CEP63: variants seen among roughly 807,000 people sequenced by gnomAD.
CEP63 encodes centrosomal protein 63, also known as centrosomal protein of 63 kDa.
Under a neutral mutation model 89.1 loss-of-function variants are expected in CEP63, and 84 were observed. The observed-to-expected ratio is 0.94, with a 90% CI of 0.79 to 1.13. The LOEUF (loss-of-function observed/expected upper bound fraction) is 1.13. Ranked by LOEUF, CEP63 falls within the 50% of genes most tolerant of loss-of-function variation. The probability of loss-of-function intolerance (pLI) is 0.00; values close to 1 mark genes in which losing one functional copy is unlikely to be tolerated. For missense variants in CEP63, 838 were observed against 813.3 expected (o/e 1.03, Z -0.37); for synonymous variants, 267 against 272.5 (o/e 0.98, Z 0.20).
chr3:134,748,895 T>G, the CEP63 span, among the ~76,000 whole-genome samples: 1 of 151,688 alleles, frequency 6.6e-6, no homozygotes, highest in African/African-American at 2.4e-5. Flanking sequence ...GGCCAGTGGG[T>G]TCTGTGGGCA....
intron 11 of CEP63, among the ~76,000 whole-genome samples, chr3:134,570,187 C>T (rs1242487322): frequency 1.3e-5 from 2 of 152,212 alleles, no homozygotes; most frequent in East Asian, 3.9e-4. Context: ...TCCCCATTGT[C>T]TTGGGGATTA....
chr3:134,743,087 T>C, the CEP63 span, among the ~76,000 whole-genome samples: 2 of 151,932 alleles, frequency 1.3e-5, no homozygotes, highest in Non-Finnish European at 1.5e-5. Context: ...CTTGTGGGGG[T>C]CCCTCAGCTG....
At chr3:134,599,798 C>G in the CEP63 span, among the ~76,000 whole-genome samples, 3 of 152,214 alleles carry the variant, frequency 2.0e-5, no homozygotes, top group Non-Finnish European at 2.9e-5. Flanking sequence ...CTCACCGTCG[C>G]ATTCAACTGG....
the CEP63 span, chr3:134,604,423 A>G: frequency 1.2e-6 from 2 of 1,613,852 alleles, no homozygotes; most frequent in Non-Finnish European, 1.7e-6. Context: ...GAGCATGAAC[A>G]TGAACAGCGT....
chr3:134,492,553 T>C (rs1179954097), intron 1 of CEP63, among the ~76,000 whole-genome samples: 59 of 151,676 alleles, frequency 3.9e-4, no homozygotes, highest in Non-Finnish European at 2.9e-5. Context: ...ACATAGGATA[T>C]TACTGGTCCA....
chr3:134,616,045 A>C, the CEP63 span, among the ~76,000 whole-genome samples: 1 of 152,234 alleles, frequency 6.6e-6, no homozygotes, highest in South Asian at 2.1e-4. Flanking sequence ...ACGGGAAGAG[A>C]ATTTACTGGA....
chr3:134,661,756 GGGAA>G, the CEP63 span, among the ~76,000 whole-genome samples: 2 of 151,974 alleles, frequency 1.3e-5, no homozygotes, highest in African/African-American at 4.8e-5. Flanking sequence ...GAAGGAAGAG[GGGAA>G]GGAAGGAAGG....
chr3:134,485,995 C>T, upstream of CEP63: 1 of 839,116 alleles, frequency 1.2e-6, no homozygotes, highest in Non-Finnish European at 1.3e-6. Context: ...TGCCACGCCC[C>T]CCCCCCCTCC....
the CEP63 span, among the ~76,000 whole-genome samples, chr3:134,594,118 G>T: frequency 6.6e-6 from 1 of 152,138 alleles, no homozygotes; most frequent in East Asian, 1.9e-4. Flanking sequence ...ATATAAATAT[G>T]AGCAAAGTGT....
the CEP63 span, among the ~76,000 whole-genome samples, chr3:134,602,229 T>C: frequency 1.4e-3 from 219 of 152,194 alleles, no homozygotes; most frequent in Middle Eastern, 0.024. Flanking sequence ...GCAGTGGCCA[T>C]GTGGGGCCTC....
At chr3:134,614,726 G>A in the CEP63 span, among the ~76,000 whole-genome samples, 1 of 152,128 alleles carries the variant, frequency 6.6e-6, no homozygotes, top group Non-Finnish European at 1.5e-5. Context: ...TATTAATTTG[G>A]TATTATTTTA....
chr3:134,679,886 C>G, the CEP63 span, among the ~76,000 whole-genome samples: 8 of 152,148 alleles, frequency 5.3e-5, no homozygotes, highest in African/African-American at 1.7e-4. Flanking sequence ...CCACATCCAG[C>G]TAATTTTTGT....
chr3:134,737,466 A>G, the CEP63 span, among the ~76,000 whole-genome samples: 1 of 152,230 alleles, frequency 6.6e-6, no homozygotes, highest in African/African-American at 2.4e-5. Context: ...CAAGAAAAAA[A>G]AGACAAAAGA....
At chr3:134,486,303 G>A in intron 1 of CEP63, 101 bp downstream of exon 1, 1 of 985,554 alleles carries the variant, frequency 1.0e-6, no homozygotes. Context: ...TCTGGAGGCG[G>A]CCCAGGCTGC....
chr3:134,624,763 G>T, the CEP63 span, among the ~76,000 whole-genome samples: 1 of 152,226 alleles, frequency 6.6e-6, no homozygotes. Context: ...GGAGAAGGCA[G>T]GTCAGGGCTG....
the CEP63 span, among the ~76,000 whole-genome samples, chr3:134,730,338 A>C: frequency 1.3e-5 from 2 of 152,152 alleles, no homozygotes; most frequent in Non-Finnish European, 1.5e-5. Flanking sequence ...CAGGTTGGGG[A>C]TATTCTGCCA....
At chr3:134,695,733 G>A in the CEP63 span, among the ~76,000 whole-genome samples, 1 of 152,202 alleles carries the variant, frequency 6.6e-6, no homozygotes, top group Non-Finnish European at 1.5e-5. Flanking sequence ...CTGATTAGAG[G>A]GCAGTGGGCA....
chr3:134,546,164 A>G lies in CEP63; in HGVS notation c.805A>G (p.Lys269Glu), dbSNP rs764895916. ...TTTTTTGCAGGCTCTGCAGGAAGAA[A>G]AGAGAGAATTGAAGGCAGCTCTTCA... ...EKLLEALQEE[K>E]RELKAALQSQ... Residue 269 changes from lysine (K) to glutamate (E), a missense_variant, in exon 8 of 15, where the codon AAG becomes GAG. Transcript: ENST00000675561. 30 of 1,613,900 alleles carry G rather than the reference A, an allele frequency of 1.9e-5. No individual in the cohort carries two copies. Among genetic ancestry groups the G allele is most frequent in the Non-Finnish European group, 2.2e-5 (26 of 1,179,936 alleles).
chr3:134,552,278 A>T (rs571881969), intron 12 of CEP63: 5 of 240,062 alleles, frequency 2.1e-5, no homozygotes, highest in Admixed American at 5.5e-5. Context: ...ATCTTGGCTC[A>T]CCGCAGCCTC....
Sources: gnomAD v4.1 joint callset for allele counts (sites outside exome capture counted in the v4.1 genomes callset) on GRCh38, gnomAD v4.1.1 for gene constraint, MANE v1.5 for transcripts, NCBI Gene and HGNC (gene_info 2026-07-23, HGNC 2026-07-21) for gene names.